KNDC1: variants seen among roughly 807,000 people sequenced by gnomAD.
KNDC1 encodes kinase non-catalytic C-lobe domain containing 1.
KNDC1 carries 106 observed loss-of-function variants against 172.8 expected under a neutral mutation model. The ratio of observed to expected loss-of-function variants is 0.61; its 90% CI spans 0.52 to 0.72. KNDC1 has a LOEUF of 0.72. Ranked by LOEUF, KNDC1 falls within the 30% of genes least tolerant of loss-of-function variation. The pLI is 0.00. For missense variants in KNDC1, 2,325 were observed against 2,394.5 expected (o/e 0.97, Z 0.61); for synonymous variants, 1,083 against 1,062.2 (o/e 1.02, Z -0.38).
Position 133,184,008 on chromosome 10 carries a change from A to ACGCATGCAAGAGGATG in KNDC1, c.625+20_625+21insGCATGCAAGAGGATGC. Reference sequence around the variant, plus strand: ...CTGCAGGGTGAGTTCTTGAACCCACACACGTGCATCCTCATGCACATATAC... The same window carrying ACGCATGCAAGAGGATG: ...CTGCAGGGTGAGTTCTTGAACCCACACGCATGCAAGAGGATGCACGTGCATCCTCATGCACATATAC... On this transcript the variant is annotated intron_variant, in intron 5 of 29. Coordinates refer to ENST00000304613, the MANE Select transcript of KNDC1 (RefSeq NM_152643.8). 1 of 1,435,754 alleles carries ACGCATGCAAGAGGATG rather than the reference A, an allele frequency of 7.0e-7. No individual in the cohort carries two copies. Among genetic ancestry groups the ACGCATGCAAGAGGATG allele is most frequent in the Non-Finnish European group, 9.6e-7 (1 of 1,046,996 alleles). 88.9% of individuals were successfully genotyped at this position (1,435,754 alleles called of 1,614,324 possible). A position where few individuals can be genotyped will look rare whatever the true frequency, so the allele number is the denominator to read the frequency against.
Position 133,175,130 on chromosome 10 carries a change from ATGG to A in KNDC1, c.360+6822_360+6824del, listed in dbSNP as rs200910335. Among the ~76,000 whole-genome samples the A allele has an allele frequency of 6.2e-4, 75 of 121,228 alleles. 1 individual carries two copies. The East Asian group carries it at 0.019, about 30-fold the overall frequency. The allele number at this position is 121,228 out of a possible 152,430, so 79.5% of individuals were successfully genotyped here. On this transcript the variant is annotated intron_variant, in intron 3 of 29. Coordinates refer to ENST00000304613, the MANE Select transcript of KNDC1 (RefSeq NM_152643.8). ...GATATGTGGATGGATGGGTGGATGG[ATGG>A]TGGGTGGATGGGTGGATGAAAAGGT...
intron 10 of KNDC1, 32 bp from the exon 11 acceptor site, chr10:133,197,026 G>T (rs1322490183): frequency 1.3e-6 from 2 of 1,581,354 alleles, no homozygotes; most frequent in Non-Finnish European, 1.7e-6. Flanking sequence ...GCTGAGGCCT[G>T]TCGGGACGTG....
chr10:133,188,723 T>G, intron 7 of KNDC1, 70 bp downstream of exon 7: 4 of 380,716 alleles, frequency 1.1e-5, no homozygotes, highest in South Asian at 2.2e-5. Flanking sequence ...CCCACCGCCG[T>G]CCCACACCCC....
intron 26 of KNDC1, 116 bp from the exon 27 acceptor site, chr10:133,218,715 C>A: frequency 7.5e-7 from 1 of 1,339,850 alleles, no homozygotes; most frequent in Non-Finnish European, 1.0e-6. Flanking sequence ...TTTCCACACA[C>A]GTGATGCAGC....
intron 5 of KNDC1, 25 bp downstream of exon 5, chr10:133,184,014 G>A (rs1421446601): frequency 7.5e-7 from 1 of 1,328,340 alleles, no homozygotes; most frequent in Non-Finnish European, 1.0e-6. Context: ...CCACACACGT[G>A]CATCCTCATG....
chr10:133,199,149 G>A lies in KNDC1; in HGVS notation c.2641G>A (p.Ala881Thr), dbSNP rs544718343. 26 of 1,591,124 alleles carry A rather than the reference G, an allele frequency of 1.6e-5. No homozygotes were observed. The African/African-American group carries it at 1.9e-4, about 11-fold the overall frequency. The change falls in exon 14 of 30, where the codon GCC (alanine) becomes ACC (threonine). Residue 881 changes from alanine (A) to threonine (T), a missense_variant. Coordinates refer to ENST00000304613, the MANE Select transcript of KNDC1 (RefSeq NM_152643.8). ...GAGGCTCTGTCTGCCCTGCGTGGAT[G>A]CCTCGCCACTCCCAGGGAGGACGGC... Reference protein sequence around the residue: ...DRRLCLPCVDASPLPGRTACP... With the variant: ...DRRLCLPCVDTSPLPGRTACP...
intron 9 of KNDC1, among the ~76,000 whole-genome samples, chr10:133,190,809 G>A (rs772375240): frequency 6.6e-5 from 10 of 152,216 alleles, no homozygotes; most frequent in Non-Finnish European, 1.0e-4. Context: ...GGCCCAGGCC[G>A]ACCTCAGGGG....
intron 29 of KNDC1, among the ~76,000 whole-genome samples, chr10:133,222,444 G>GGTGTGTGTGTGTGTGTGA (rs1845618064): frequency 1.0e-5 from 1 of 96,226 alleles, no homozygotes; most frequent in East Asian, 2.5e-4. Flanking sequence ...TGCTCTTCCC[G>GGTGTGTGTGTGTGTGTGA]GCGTGTGTGT....
In KNDC1 at chr10:133,200,478, C is replaced by A. The variant is rs1442223583; in HGVS notation, c.2989+18C>A. ...CCGCCTGGGTAAGTGCTGGGCGGGC[C>A]CCGCGGCAGGAGCTCTGCTGGGCGG... On this transcript the variant is annotated intron_variant, in intron 16 of 29. Transcript: ENST00000304613. 2 of 1,509,174 alleles carry A rather than the reference C, an allele frequency of 1.3e-6. No homozygotes were observed. The highest frequency in any genetic ancestry group is 2.6e-5 in the East Asian group (1 of 38,562). The allele number at this position is 1,509,174 out of a possible 1,614,324, so 93.5% of individuals were successfully genotyped here.
chr10:133,212,749 C>T lies in KNDC1; in HGVS notation c.4270C>T (p.Leu1424=). Residue 1424 remains leucine (L), a synonymous_variant, in exon 24 of 30, where the codon CTG becomes TTG. Transcript: ENST00000304613. ...FPWRLPRGNG[L]VLPPHKERPY... ...CTGGAGGCTGCCCCGAGGCAACGGG[C>T]TGGTGCTGCCGCCACACAAGGAGCG... is the stretch of plus-strand genomic sequence containing the variant. 1 of 1,613,518 alleles carries T rather than the reference C, an allele frequency of 6.2e-7. No homozygotes were observed. The highest frequency in any genetic ancestry group is 1.3e-5 in the African/African-American group (1 of 75,062).
At chr10:133,197,613 G>A in intron 11 of KNDC1, 62 bp from the exon 12 acceptor site, 2 of 1,279,544 alleles carry the variant, frequency 1.6e-6, no homozygotes, top group Admixed American at 3.4e-5. Context: ...CGCCCTGTGG[G>A]TGTTGCCGGC....
At position 133,199,067 on chromosome 10, in the gene KNDC1, G is replaced by A; in HGVS notation, c.2559G>A (p.Gly853=). Residue 853 remains glycine, a synonymous_variant, in exon 14 of 30, where the codon GGG becomes GGA. Coordinates refer to ENST00000304613, the MANE Select transcript of KNDC1 (RefSeq NM_152643.8). ...AGGGCCCCGGGGCCACCCCTGCCGGGGAACGTGATGACCAGAGTCCAGACA... is the reference window on the plus strand; with the variant it reads ...AGGGCCCCGGGGCCACCCCTGCCGGAGAACGTGATGACCAGAGTCCAGACA... ...EPEGPGATPA[G]ERDDQSPDSV... 3 of 1,604,226 alleles carry A rather than the reference G, an allele frequency of 1.9e-6. No individual in the cohort carries two copies. The highest frequency in any genetic ancestry group is 1.1e-5 in the South Asian group (1 of 89,838).
chr10:133,195,023 A>G (rs1854150053), intron 9 of KNDC1, among the ~76,000 whole-genome samples: 1 of 152,134 alleles, frequency 6.6e-6, no homozygotes, highest in Admixed American at 6.5e-5. Flanking sequence ...GAAAACATCA[A>G]CCAACACTCA....
Position 133,201,563 on chromosome 10 carries a change from T to C in KNDC1, c.3052T>C (p.Ser1018Pro), listed in dbSNP as rs1854366832. 3.1e-6 allele frequency: 5 copies of C among 1,612,274 alleles called. No individual in the cohort carries two copies. The highest frequency in any genetic ancestry group is 4.2e-6 in the Non-Finnish European group (5 of 1,179,736). The change falls in exon 17 of 30, where the codon TCG (serine) becomes CCG (proline). Residue 1018 changes from serine to proline, a missense_variant. Coordinates refer to ENST00000304613, the MANE Select transcript of KNDC1 (RefSeq NM_152643.8). ...GGCCCCCTGCTCACCCACCTCGGTGTCGGATGTGGACTCGGACGCACTGTC... is the reference window on the plus strand; with the variant it reads ...GGCCCCCTGCTCACCCACCTCGGTGCCGGATGTGGACTCGGACGCACTGTC... ...SRAPCSPTSV[S>P]DVDSDALSRG...
intron 9 of KNDC1, among the ~76,000 whole-genome samples, chr10:133,194,213 C>T (rs1409679445): frequency 1.3e-5 from 2 of 152,196 alleles, no homozygotes; most frequent in Non-Finnish European, 2.9e-5. Context: ...GAATTTAAGT[C>T]ATACAAATGT....
chr10:133,187,325 G>A (rs570562328), intron 6 of KNDC1, among the ~76,000 whole-genome samples: 4 of 152,242 alleles, frequency 2.6e-5, no homozygotes, highest in Non-Finnish European at 4.4e-5. Flanking sequence ...GGCCTGGTCC[G>A]TCGGCCCCTC....
Position 133,199,620 on chromosome 10 carries a change from C to T in KNDC1, c.2903+18C>T, listed in dbSNP as rs975183013. ...TCCCCAAGGTGGGTGCCCAGTTCGGCCCTGCATTCCCGCCCCTCCCTGATG... is the reference window on the plus strand; with the variant it reads ...TCCCCAAGGTGGGTGCCCAGTTCGGTCCTGCATTCCCGCCCCTCCCTGATG... On this transcript the variant is annotated intron_variant, in intron 15 of 29. Transcript: ENST00000304613. The T allele has an allele frequency of 3.1e-6, 5 of 1,610,762 alleles. No homozygotes were observed. Among genetic ancestry groups the T allele is most frequent in the Non-Finnish European group, 4.2e-6 (5 of 1,178,914 alleles).
intron 3 of KNDC1, among the ~76,000 whole-genome samples, chr10:133,181,661 T>C (rs939964071): frequency 4.6e-5 from 7 of 151,918 alleles, no homozygotes; most frequent in African/African-American, 1.7e-4. Flanking sequence ...ACAGAGAAGG[T>C]CAGCCGGGGT....
chr10:133,200,932 A>G (rs1854346129), intron 16 of KNDC1, among the ~76,000 whole-genome samples: 1 of 152,188 alleles, frequency 6.6e-6, no homozygotes, highest in East Asian at 1.9e-4. Flanking sequence ...TCCAGCCAGC[A>G]GGCTTGGTGT....
Sources: allele counts gnomAD v4.1 joint callset (sites outside exome capture counted in the v4.1 genomes callset), GRCh38; gene constraint gnomAD v4.1.1; transcripts MANE v1.5; gene names NCBI Gene and HGNC (gene_info 2026-07-23, HGNC 2026-07-21).